SVEP1: variants seen among roughly 807,000 people sequenced by gnomAD.
SVEP1 encodes sushi, von Willebrand factor type A, EGF and pentraxin domain-containing protein 1.
In SVEP1, 164 loss-of-function variants were observed where a neutral mutation model predicts 367.3. That is an observed-to-expected ratio of 0.45 (90% confidence interval 0.39 to 0.51). The LOEUF (loss-of-function observed/expected upper bound fraction) is 0.51. SVEP1 is among the 20% of genes least tolerant of loss of function. SVEP1 has a pLI of 0.00. For synonymous variants in SVEP1, 1,666 were observed against 1,611.6 expected (o/e 1.03, Z -0.81); for missense variants, 4,117 against 4,425.3 (o/e 0.93, Z 1.98).
At chr9:110,537,612 C>G (rs1470332246) in intron 3 of SVEP1, among the ~76,000 whole-genome samples, 1 of 151,782 alleles carries the variant, frequency 6.6e-6, no homozygotes, top group African/African-American at 2.4e-5. Context: ...TAGAAGAGGA[C>G]TAAGAAAATA....
chr9:110,368,268 C>A (rs1471991374), intron 47 of SVEP1, among the ~76,000 whole-genome samples: 1 of 152,174 alleles, frequency 6.6e-6, no homozygotes, highest in Non-Finnish European at 1.5e-5. Flanking sequence ...GGGTTCCATA[C>A]AAGGTCCCTC....
intron 3 of SVEP1, among the ~76,000 whole-genome samples, chr9:110,533,077 G>A (rs1056849934): frequency 9.9e-5 from 15 of 152,072 alleles, no homozygotes; most frequent in African/African-American, 2.9e-4. Flanking sequence ...ACTCTCCTAT[G>A]AGAATCTAAT....
chr9:110,406,646 G>A lies in SVEP1; in HGVS notation c.8954C>T (p.Ser2985Leu). 6.2e-7 allele frequency: 1 copy of A among 1,614,000 alleles called. No homozygotes were observed. The highest frequency in any genetic ancestry group is 8.5e-7 in the Non-Finnish European group (1 of 1,179,894). The change falls in exon 38 of 48, where the codon TCA becomes TTA. Residue 2985 changes from serine (S) to leucine (L), a missense_variant. By Grantham distance (145) the Ser-to-Leu change is moderately radical. Around this residue, in one of 4 missense-constraint regions of SVEP1, gnomAD observed 1,765 missense variants for 1,781.1 expected, o/e 0.99. Transcript: ENST00000374469. ...GCCATTGGAGAGGCACCTTCTTGAT[G>A]AATTTCCATGGAGCTTATAACCAGG... The part of the protein sequence containing the change: ...CFPGYKLHGN[S>L]SRRCLSNGSW...
chr9:110,396,671 T>G (rs1439195543), intron 40 of SVEP1, among the ~76,000 whole-genome samples: 1 of 99,578 alleles, frequency 1.0e-5, no homozygotes, highest in South Asian at 3.3e-4. Context: ...ATATCACCAC[T>G]GATCCCACAG....
chr9:110,411,883 A>G (rs899773042), intron 36 of SVEP1, 148 bp from the exon 37 acceptor site: 2 of 764,126 alleles, frequency 2.6e-6, no homozygotes, highest in Non-Finnish European at 3.9e-6. Flanking sequence ...GAGCTTATTG[A>G]TCAAATGACT....
At chr9:110,375,555 G>A (rs1037103920) in intron 45 of SVEP1, 92 bp from the exon 46 acceptor site, 30 of 1,204,560 alleles carry the variant, frequency 2.5e-5, no homozygotes, top group African/African-American at 3.1e-5. Flanking sequence ...CAAGGGTTCA[G>A]AAAACATTTT....
At chr9:110,536,774 G>A (rs1313950814) in intron 3 of SVEP1, among the ~76,000 whole-genome samples, 3 of 151,810 alleles carry the variant, frequency 2.0e-5, no homozygotes, top group Non-Finnish European at 4.4e-5. Context: ...GTATACATGT[G>A]CCATGTTGGT....
At position 110,432,585 on chromosome 9, in the gene SVEP1, C is replaced by A. The variant is rs373652526; in HGVS notation, c.5110G>T (p.Asp1704Tyr). 6 of 1,613,608 alleles carry A rather than the reference C, an allele frequency of 3.7e-6. No homozygotes were observed. Among genetic ancestry groups the A allele is most frequent in the Non-Finnish European group, 5.1e-6 (6 of 1,179,764 alleles). Residue 1704 changes from aspartate (D) to tyrosine (Y), a missense_variant, in exon 31 of 48, where the codon GAT (aspartate) becomes TAT (tyrosine). By Grantham distance (160) the Asp-to-Tyr change is radical (BLOSUM62 -3). This residue lies in a region of SVEP1 where 2,174 missense variants were observed against 2,494.3 expected (regional missense o/e 0.87). Transcript: ENST00000374469. ...PPLENGFHSA[D>Y]DFYAGSTVTY... ...ACTGTGCTGCCAGCATAGAAGTCAT[C>A]GGCTGAATGGAAGCCATTCTCCAAA...
At chr9:110,411,831 CTT>C in intron 36 of SVEP1, 96 bp from the exon 37 acceptor site, 1 of 1,151,604 alleles carries the variant, frequency 8.7e-7, no homozygotes, top group Non-Finnish European at 1.2e-6. Context: ...CCCACAATGA[CTT>C]TAAATTTATC....
At chr9:110,564,197 TC>T (rs2118873817) in intron 1 of SVEP1, among the ~76,000 whole-genome samples, 1 of 152,340 alleles carries the variant, frequency 6.6e-6, no homozygotes, top group South Asian at 2.1e-4. Flanking sequence ...GTCAAACTGT[TC>T]TTCCAAAAGG....
chr9:110,511,487 C>CATTTTTT (rs1564163441), intron 5 of SVEP1, among the ~76,000 whole-genome samples: 3 of 69,538 alleles, frequency 4.3e-5, no homozygotes, highest in South Asian at 4.0e-4. Context: ...TGTGTCAGTA[C>CATTTTTT]CTTTTTTTTT....
chr9:110,463,426 T>C (rs890965443), intron 18 of SVEP1, among the ~76,000 whole-genome samples: 2 of 152,084 alleles, frequency 1.3e-5, no homozygotes, highest in Non-Finnish European at 2.9e-5. Context: ...ATTGCTATCT[T>C]GAATAATAAT....
At chr9:110,410,010 A>C (rs1296455225) in intron 37 of SVEP1, among the ~76,000 whole-genome samples, 1 of 152,084 alleles carries the variant, frequency 6.6e-6, no homozygotes, top group Non-Finnish European at 1.5e-5. Context: ...AATATTTATT[A>C]AATTTATAAA....
At chr9:110,577,163 AAAT>A (rs774571557) in intron 1 of SVEP1, among the ~76,000 whole-genome samples, 1 of 152,108 alleles carries the variant, frequency 6.6e-6, no homozygotes, top group Non-Finnish European at 1.5e-5. Flanking sequence ...AATTCATATT[AAAT>A]AATAAGTGGG....
In SVEP1 at chr9:110,483,673, C is replaced by A. The variant is rs775328577; in HGVS notation, c.1951G>T (p.Asp651Tyr). The change falls in exon 10 of 48, where the codon GAC becomes TAC. Residue 651 changes from aspartate to tyrosine, a missense_variant. Transcript: ENST00000374469. ...ACGGGAGGTGGAGATCTGCACCAGT[C>A]TATGACAGGTGGTTCTGCATCTGAA... The part of the protein sequence containing the change: ...KVIDAEPPVI[D>Y]WCRSPPPVQV... The A allele has an allele frequency of 1.2e-6, 2 of 1,603,786 alleles. No individual in the cohort carries two copies. Among genetic ancestry groups the A allele is most frequent in the East Asian group, 4.5e-5 (2 of 44,490 alleles).
intron 1 of SVEP1, among the ~76,000 whole-genome samples, chr9:110,570,252 T>G (rs1287811721): frequency 1.3e-5 from 2 of 152,164 alleles, no homozygotes; most frequent in Non-Finnish European, 2.9e-5. Context: ...TGTAGACATG[T>G]CTTCACCTGG....
chr9:110,480,534 C>A (rs935149865), intron 12 of SVEP1, among the ~76,000 whole-genome samples: 1 of 152,118 alleles, frequency 6.6e-6, no homozygotes, highest in African/African-American at 2.4e-5. Context: ...AGTTTAAAAT[C>A]TAAATCAAAT....
At chr9:110,462,737 G>C (rs576187255) in intron 18 of SVEP1, among the ~76,000 whole-genome samples, 2 of 151,788 alleles carry the variant, frequency 1.3e-5, no homozygotes, top group South Asian at 2.1e-4. Context: ...GAGAGAGAGA[G>C]AGAAATAATC....
At position 110,395,614 on chromosome 9, in the gene SVEP1, C is replaced by T. The variant is rs994591735; in HGVS notation, c.9822+5240G>A. 2.2e-3 allele frequency among the ~76,000 whole-genome samples: 335 copies of T among 152,086 alleles called. 1 individual carries two copies. Among genetic ancestry groups the T allele is most frequent in the African/African-American group, 6.9e-3 (288 of 41,476 alleles). On this transcript the variant is annotated intron_variant, in intron 40 of 47. Coordinates refer to ENST00000374469, the MANE Select transcript of SVEP1 (RefSeq NM_153366.4). ...TGCTATATTCAGGAAACCCATCTCACGTGCAGAGACACACATAGGCTCAAA... is the reference window on the plus strand; with the variant it reads ...TGCTATATTCAGGAAACCCATCTCATGTGCAGAGACACACATAGGCTCAAA...
Sources: allele counts gnomAD v4.1 joint callset (sites outside exome capture counted in the v4.1 genomes callset), GRCh38; gene constraint gnomAD v4.1.1; regional missense constraint gnomAD v4.1.1; transcripts MANE v1.5; gene names NCBI Gene and HGNC (gene_info 2026-07-23, HGNC 2026-07-21).